ARHGEF26: variants seen among roughly 807,000 people sequenced by gnomAD.
ARHGEF26 encodes the protein Rho guanine nucleotide exchange factor 26.
In ARHGEF26, 59 loss-of-function variants were observed where a neutral mutation model predicts 89.4. The ratio of observed to expected loss-of-function variants is 0.66; its 90% CI spans 0.54 to 0.82. The LOEUF is 0.82. Among genes scored for constraint, ARHGEF26 ranks in the 40% least tolerant of loss-of-function variants. ARHGEF26 has a pLI of 0.00. For missense variants in ARHGEF26, 1,234 were observed against 1,085.6 expected, an observed-to-expected ratio of 1.14 and a Z score of -1.92; for synonymous variants, 500 against 428.4, an observed-to-expected ratio of 1.17 and a Z score of -2.06.
intron 3 of ARHGEF26, 92 bp from the exon 4 acceptor site, chr3:154,129,482 G>A (rs1576680465): frequency 7.5e-7 from 1 of 1,336,038 alleles, no homozygotes; most frequent in South Asian, 1.6e-5. Flanking sequence ...TAAAATTGGA[G>A]GCCAAACATT....
At chr3:154,220,653 A>G (rs1716070312) in intron 10 of ARHGEF26, among the ~76,000 whole-genome samples, 1 of 152,192 alleles carries the variant, frequency 6.6e-6, no homozygotes, top group African/African-American at 2.4e-5. Flanking sequence ...CTGTGTACCA[A>G]GAGGAGGAGC....
intron 12 of ARHGEF26, among the ~76,000 whole-genome samples, chr3:154,243,265 C>T (rs1227564557): frequency 1.3e-5 from 2 of 152,152 alleles, no homozygotes; most frequent in African/African-American, 2.4e-5. Context: ...TTCCCTTTCC[C>T]CGTATAGTTA....
At chr3:154,202,752 C>T in intron 9 of ARHGEF26, among the ~76,000 whole-genome samples, 1 of 139,208 alleles carries the variant, frequency 7.2e-6, no homozygotes, top group Non-Finnish European at 1.5e-5. Context: ...GTATTTTATT[C>T]TCTTTGAAGC....
chr3:154,140,877 A>G (rs1719327430), intron 4 of ARHGEF26, among the ~76,000 whole-genome samples: 1 of 150,802 alleles, frequency 6.6e-6, no homozygotes, highest in Non-Finnish European at 1.5e-5. Context: ...CACCATGCCC[A>G]GCCTCTGAGT....
At chr3:154,200,458 T>C (rs1015030303) in intron 9 of ARHGEF26, among the ~76,000 whole-genome samples, 1 of 152,142 alleles carries the variant, frequency 6.6e-6, no homozygotes, top group African/African-American at 2.4e-5. Context: ...TCTTGGTTAT[T>C]ATCGCTCTGT....
intron 9 of ARHGEF26, among the ~76,000 whole-genome samples, chr3:154,215,238 A>T (rs1339697489): frequency 6.6e-6 from 1 of 152,054 alleles, no homozygotes; most frequent in African/African-American, 2.4e-5. Context: ...TCCTTTGCTC[A>T]TGGTGTCCCT....
intron 6 of ARHGEF26, among the ~76,000 whole-genome samples, chr3:154,187,467 A>C (rs1452836160): frequency 3.3e-5 from 5 of 150,020 alleles, no homozygotes; most frequent in Non-Finnish European, 7.4e-5. Context: ...AAGTGCTGAG[A>C]TTATAGGCGT....
intron 12 of ARHGEF26, among the ~76,000 whole-genome samples, chr3:154,251,079 T>C (rs1378827071): frequency 3.3e-5 from 5 of 152,180 alleles, no homozygotes; most frequent in Non-Finnish European, 1.5e-5. Flanking sequence ...CTCATCTTAA[T>C]CTTTGAAAAT....
intron 6 of ARHGEF26, among the ~76,000 whole-genome samples, chr3:154,182,885 A>C (rs1341088258): frequency 2.0e-5 from 3 of 152,140 alleles, no homozygotes; most frequent in African/African-American, 7.2e-5. Flanking sequence ...TTTTTCCTCA[A>C]AAATGTAGTG....
chr3:154,211,548 C>T (rs1715361209), intron 9 of ARHGEF26, among the ~76,000 whole-genome samples: 1 of 152,128 alleles, frequency 6.6e-6, no homozygotes, highest in African/African-American at 2.4e-5. Context: ...GGATTCAAGA[C>T]TGTTTTTTCT....
At chr3:154,188,557 A>G (rs1388407789) in intron 7 of ARHGEF26, among the ~76,000 whole-genome samples, 1 of 152,178 alleles carries the variant, frequency 6.6e-6, no homozygotes, top group African/African-American at 2.4e-5. Context: ...GTTTATCACA[A>G]GTAGCTGTTT....
chr3:154,163,860 A>T (rs2108122822), intron 6 of ARHGEF26, among the ~76,000 whole-genome samples: 1 of 152,270 alleles, frequency 6.6e-6, no homozygotes, highest in African/African-American at 2.4e-5. Flanking sequence ...ATTGATTATA[A>T]AAGTATCCCA....
Position 154,235,562 on chromosome 3 carries a change from G to T in ARHGEF26, c.2091-4808G>T, listed in dbSNP as rs951329914. ...CCACTATCAGGTAGTCACTTCAGTT[G>T]CATCCTTAAGCAGCCACAGACACCT... On this transcript the variant is annotated intron_variant, in intron 11 of 14. Transcript: ENST00000465093. Among the ~76,000 whole-genome samples, 31 of 152,156 alleles carry T rather than the reference G, an allele frequency of 2.0e-4. 1 individual carries two copies. Among genetic ancestry groups the T allele is most frequent in the Admixed American group, 1.8e-3 (27 of 15,284 alleles).
At chr3:154,211,211 A>T (rs1715340362) in intron 9 of ARHGEF26, among the ~76,000 whole-genome samples, 2 of 152,120 alleles carry the variant, frequency 1.3e-5, no homozygotes, top group Admixed American at 1.3e-4. Context: ...CTAGTTCAGC[A>T]CTAGGACTTG....
intron 8 of ARHGEF26, among the ~76,000 whole-genome samples, chr3:154,193,220 A>G (rs1714060743): frequency 6.6e-6 from 1 of 152,238 alleles, no homozygotes. Context: ...TTAGTGGGCC[A>G]TAAAACTGAT....
At chr3:154,190,396 T>G (rs1431124664) in intron 7 of ARHGEF26, among the ~76,000 whole-genome samples, 1 of 152,050 alleles carries the variant, frequency 6.6e-6, no homozygotes, top group Admixed American at 6.5e-5. Context: ...GTAATCCCAG[T>G]TACTTGTGAG....
chr3:154,136,870 A>C (rs752050603), intron 4 of ARHGEF26, among the ~76,000 whole-genome samples: 2 of 152,158 alleles, frequency 1.3e-5, no homozygotes, highest in African/African-American at 4.8e-5. Context: ...ACCTTTTACC[A>C]TATCTTTTTT....
chr3:154,133,088 A>G (rs919700504), intron 4 of ARHGEF26, among the ~76,000 whole-genome samples: 5 of 152,188 alleles, frequency 3.3e-5, no homozygotes, highest in South Asian at 2.1e-4. Flanking sequence ...AACTATCCTT[A>G]TCAGTTGACT....
Position 154,161,102 on chromosome 3 carries a change from G to GTA in ARHGEF26, c.1487+8171_1487+8172insAT, listed in dbSNP as rs1186345615. ...TTTTGGAATGCTGGTAGCCAGGTTT[G>GTA]TGTGTGTGTGTGTGTGTGTGTGTGT... On this transcript the variant is annotated intron_variant, in intron 6 of 14. Coordinates refer to ENST00000465093, the MANE Select transcript of ARHGEF26 (RefSeq NM_015595.4). Among the ~76,000 whole-genome samples the GTA allele has an allele frequency of 0.013, 17 of 1,304 alleles. No individual in the cohort carries two copies. In the African/African-American group the frequency reaches 0.13, roughly 10 times the overall value. 0.9% of individuals were successfully genotyped at this position (1,304 alleles called of 152,430 possible).
Sources: allele counts gnomAD v4.1 joint callset (sites outside exome capture counted in the v4.1 genomes callset), GRCh38; gene constraint gnomAD v4.1.1; transcripts MANE v1.5; gene names NCBI Gene and HGNC (gene_info 2026-07-23, HGNC 2026-07-21).